NLGN1: variants seen among roughly 807,000 people sequenced by gnomAD.
The protein encoded by NLGN1 is neuroligin-1.
Under a neutral mutation model 65.5 loss-of-function variants are expected in NLGN1, and 12 were observed. That is an observed-to-expected ratio of 0.18 (90% CI 0.12 to 0.30). The LOEUF (loss-of-function observed/expected upper bound fraction) is 0.30, where lower values mean the gene tolerates loss of function less well. Among genes scored for constraint, NLGN1 ranks in the 10% least tolerant of loss-of-function variants. The pLI is 1.00. For missense variants in NLGN1, 750 were observed against 1,007.1 expected, an observed-to-expected ratio of 0.74 and a Z score of 3.46; for synonymous variants, 350 against 359.5, an observed-to-expected ratio of 0.97 and a Z score of 0.30.
At chr3:174,219,888 C>T (rs1418125579) in intron 4 of NLGN1, among the ~76,000 whole-genome samples, 1 of 152,066 alleles carries the variant, frequency 6.6e-6, no homozygotes, top group Non-Finnish European at 1.5e-5. Flanking sequence ...TTGCGGGCTG[C>T]AGTTCAGTTT....
intron 4 of NLGN1, among the ~76,000 whole-genome samples, chr3:174,092,519 T>A (rs202121434): frequency 0.012 from 1,801 of 147,240 alleles, 29 homozygotes; most frequent in East Asian, 0.037. Context: ...TGGCAATTAT[T>A]AAAAAAAAAA....
At chr3:174,202,437 G>A (rs557831476) in intron 4 of NLGN1, among the ~76,000 whole-genome samples, 137 of 151,372 alleles carry the variant, frequency 9.1e-4, no homozygotes, top group African/African-American at 2.9e-3. Flanking sequence ...ATTCCTGAGC[G>A]TCAGGGTGTT....
chr3:174,039,727 T>C (rs1731887182), intron 4 of NLGN1, among the ~76,000 whole-genome samples: 1 of 152,134 alleles, frequency 6.6e-6, no homozygotes, highest in South Asian at 2.1e-4. Flanking sequence ...GCCAAAGAAG[T>C]CAGGGCTTCT....
chr3:173,687,790 A>C (rs1764893091), intron 3 of NLGN1, among the ~76,000 whole-genome samples: 2 of 152,242 alleles, frequency 1.3e-5, no homozygotes, highest in Non-Finnish European at 2.9e-5. Context: ...TCTTGAATGC[A>C]GAACAGCTAG....
chr3:174,247,439 C>T (rs1454207793), intron 4 of NLGN1, among the ~76,000 whole-genome samples: 1 of 152,144 alleles, frequency 6.6e-6, no homozygotes, highest in Non-Finnish European at 1.5e-5. Context: ...CTACGTTTTT[C>T]TGTTAAGAGT....
At chr3:173,994,494 A>AGAGG (rs1269897781) in intron 4 of NLGN1, among the ~76,000 whole-genome samples, 1 of 131,838 alleles carries the variant, frequency 7.6e-6, no homozygotes, top group African/African-American at 2.8e-5. Flanking sequence ...AAAAAAAAAG[A>AGAGG]GAGAGAGAGA....
chr3:174,055,670 A>AT (rs1326549161), intron 4 of NLGN1, among the ~76,000 whole-genome samples: 2 of 152,080 alleles, frequency 1.3e-5, no homozygotes, highest in Non-Finnish European at 2.9e-5. Context: ...CTACTGAAGC[A>AT]TAATCCCCAT....
intron 2 of NLGN1, among the ~76,000 whole-genome samples, chr3:173,483,564 A>G (rs1260472755): frequency 1.3e-5 from 2 of 152,174 alleles, no homozygotes; most frequent in African/African-American, 4.8e-5. Context: ...GAGAAAATAT[A>G]GAATCTACAA....
chr3:173,800,930 A>C (rs1039996123), intron 3 of NLGN1, among the ~76,000 whole-genome samples: 5 of 151,968 alleles, frequency 3.3e-5, no homozygotes, highest in Non-Finnish European at 7.4e-5. Flanking sequence ...TATACATAAG[A>C]AAAGGCATTA....
At chr3:173,973,108 C>G (rs191200863) in intron 4 of NLGN1, among the ~76,000 whole-genome samples, 1 of 152,230 alleles carries the variant, frequency 6.6e-6, no homozygotes, top group African/African-American at 2.4e-5. Flanking sequence ...ATAACATACT[C>G]ATAGTATTCT....
chr3:173,871,815 G>C (rs1187871464), intron 4 of NLGN1, among the ~76,000 whole-genome samples: 1 of 152,154 alleles, frequency 6.6e-6, no homozygotes, highest in Non-Finnish European at 1.5e-5. Flanking sequence ...CGGAGTTAAG[G>C]TGTGATATGT....
intron 1 of NLGN1, among the ~76,000 whole-genome samples, chr3:173,416,784 T>C (rs1009831051): frequency 1.3e-5 from 2 of 152,184 alleles, no homozygotes; most frequent in African/African-American, 2.4e-5. Context: ...GATACTGATA[T>C]GGCCCAAGCA....
chr3:173,795,659 C>A (rs1165342728), intron 3 of NLGN1, among the ~76,000 whole-genome samples: 1 of 152,022 alleles, frequency 6.6e-6, no homozygotes, highest in African/African-American at 2.4e-5. Flanking sequence ...TTGAAAAAGT[C>A]AAATATAGTA....
intron 4 of NLGN1, among the ~76,000 whole-genome samples, chr3:174,272,626 C>T (rs759617383): frequency 6.6e-6 from 1 of 150,632 alleles, no homozygotes; most frequent in Non-Finnish European, 1.5e-5. Context: ...CTCTAATGAT[C>T]AGTTAGTTTC....
At chr3:173,523,603 C>T (rs115303633) in intron 2 of NLGN1, among the ~76,000 whole-genome samples, 7,661 of 151,608 alleles carry the variant, frequency 0.051, 396 homozygotes, top group Middle Eastern at 0.18. Context: ...TATTCTGTTC[C>T]GTTGGTCTGT....
intron 3 of NLGN1, among the ~76,000 whole-genome samples, chr3:173,612,430 G>A (rs1752436788): frequency 6.6e-6 from 1 of 152,064 alleles, no homozygotes; most frequent in Non-Finnish European, 1.5e-5. Context: ...GGGAAGGATT[G>A]GCTCTTTCTG....
intron 3 of NLGN1, among the ~76,000 whole-genome samples, chr3:173,607,609 A>G (rs1372454973): frequency 2.0e-5 from 3 of 151,718 alleles, no homozygotes; most frequent in Non-Finnish European, 4.4e-5. Context: ...GTTTTTTTAA[A>G]TTATTTTTCT....
At chr3:173,812,797 T>TA (rs1553857763) in intron 4 of NLGN1, among the ~76,000 whole-genome samples, 25 of 145,510 alleles carry the variant, frequency 1.7e-4, no homozygotes, top group African/African-American at 4.7e-4. Flanking sequence ...ATATGTATTT[T>TA]TATATATATA....
At chr3:173,529,353 G>T (rs988086768) in intron 2 of NLGN1, among the ~76,000 whole-genome samples, 1 of 152,158 alleles carries the variant, frequency 6.6e-6, no homozygotes. Context: ...GTTGTTTCAT[G>T]TGATGGGCTG....
Sources: allele counts gnomAD v4.1 joint callset (sites outside exome capture counted in the v4.1 genomes callset), GRCh38; gene constraint gnomAD v4.1.1; transcripts MANE v1.5; gene names NCBI Gene and HGNC (gene_info 2026-07-23, HGNC 2026-07-21).